HRH4: variants seen among roughly 807,000 people sequenced by gnomAD.
The protein encoded by HRH4 is histamine receptor H4, also known as histamine H4 receptor.
Under a neutral mutation model 10.4 loss-of-function variants are expected in HRH4, and 12 were observed. The observed-to-expected ratio is 1.15, with a 90% CI of 0.74 to 1.87. The LOEUF is 1.87. Among genes scored for constraint, HRH4 ranks in the 40% most tolerant of loss-of-function variants. HRH4 has a pLI of 0.00. For synonymous variants in HRH4, 154 were observed against 166.6 expected, an observed-to-expected ratio of 0.92 and a Z score of 0.58; for missense variants, 415 against 453.3, an observed-to-expected ratio of 0.92 and a Z score of 0.77.
intron 2 of HRH4, among the ~76,000 whole-genome samples, chr18:24,474,876 G>GTGGA (rs1452042016): frequency 6.6e-6 from 1 of 151,912 alleles, no homozygotes; most frequent in Non-Finnish European, 1.5e-5. Flanking sequence ...GGTGGAGATG[G>GTGGA]GGTTTCACCA....
intron 2 of HRH4, among the ~76,000 whole-genome samples, chr18:24,471,956 A>G (rs965569529): frequency 2.0e-5 from 3 of 152,228 alleles, no homozygotes; most frequent in Non-Finnish European, 4.4e-5. Flanking sequence ...CAGCTTACCC[A>G]GTTGGGAAAA....
At chr18:24,462,844 C>T (rs528224615) in intron 1 of HRH4, among the ~76,000 whole-genome samples, 2 of 152,326 alleles carry the variant, frequency 1.3e-5, no homozygotes, top group Non-Finnish European at 2.9e-5. Context: ...ACATCATTCT[C>T]TGTGCTCCCA....
At chr18:24,464,344 C>G (rs1268018315) in intron 1 of HRH4, among the ~76,000 whole-genome samples, 3 of 152,118 alleles carry the variant, frequency 2.0e-5, no homozygotes, top group African/African-American at 7.2e-5. Flanking sequence ...AGAGAGTGAG[C>G]TCTCTGTTGT....
At chr18:24,460,942 T>A in intron 1 of HRH4, 21 bp downstream of exon 1, 2 of 1,398,930 alleles carry the variant, frequency 1.4e-6, no homozygotes, top group Non-Finnish European at 2.0e-6. Flanking sequence ...TGTCTTTATT[T>A]AAGACAGTCT....
chr18:24,475,386 G>A (rs1295375202), intron 2 of HRH4, among the ~76,000 whole-genome samples: 1 of 152,188 alleles, frequency 6.6e-6, no homozygotes, highest in African/African-American at 2.4e-5. Flanking sequence ...CATTTTGAGA[G>A]GCTAAGACAG....
intron 1 of HRH4, among the ~76,000 whole-genome samples, chr18:24,464,163 T>C (rs1049123193): frequency 6.6e-6 from 1 of 152,182 alleles, no homozygotes; most frequent in African/African-American, 2.4e-5. Flanking sequence ...TACCCTAGAC[T>C]GGGTGGCTTA....
rs1308762388 is a variant in HRH4 at position 24,468,948 on chromosome 18, T to C, written c.354T>C (p.Asn118=). 8 of 1,598,204 alleles carry C rather than the reference T, an allele frequency of 5.0e-6. No individual in the cohort carries two copies. Among genetic ancestry groups the C allele is most frequent in the Middle Eastern group, 3.4e-4 (2 of 5,906 alleles). Residue 118 remains asparagine (N), a synonymous_variant, in exon 2 of 3, where the codon AAT becomes AAC. Coordinates refer to ENST00000256906, the MANE Select transcript of HRH4 (RefSeq NM_021624.4). ...ATGATCGATACCTGTCAGTCTCAAA[T>C]GCTGTAAGTCGAAACATTAATTTAT... ...ISYDRYLSVS[N]AVSYRTQHTG... is the part of the protein sequence containing the mutation.
chr18:24,473,940 C>T (rs565138434), intron 2 of HRH4, among the ~76,000 whole-genome samples: 24 of 147,336 alleles, frequency 1.6e-4, no homozygotes, highest in African/African-American at 5.8e-4. Flanking sequence ...TAGGCCGCTG[C>T]GGGATTTCAG....
chr18:24,462,912 AAT>A (rs1356680617), intron 1 of HRH4, among the ~76,000 whole-genome samples: 1 of 152,160 alleles, frequency 6.6e-6, no homozygotes, highest in African/African-American at 2.4e-5. Context: ...TTCCACTATA[AAT>A]ATATGTATCC....
At chr18:24,460,967 T>G (rs1425682185) in intron 1 of HRH4, 46 bp downstream of exon 1, 1 of 1,292,928 alleles carries the variant, frequency 7.7e-7, no homozygotes, top group Non-Finnish European at 1.1e-6. Flanking sequence ...CGATTTTAAT[T>G]TATTTCTAAA....
rs146071999 is a variant in HRH4, at chr18:24,464,476, G to A, written c.193+3555G>A. On this transcript the variant is annotated intron_variant, in intron 1 of 2. Coordinates refer to ENST00000256906, the MANE Select transcript of HRH4 (RefSeq NM_021624.4). ...ACATGGGGGGTTAGAGCTCCAACAT[G>A]TGAATTTGGGGAGGGCACATACACA... Among the ~76,000 whole-genome samples the A allele has an allele frequency of 8.2e-3, 1,246 of 152,240 alleles. 18 individuals carry two copies. Among genetic ancestry groups the A allele is most frequent in the African/African-American group, 0.027 (1,141 of 41,522 alleles).
At chr18:24,464,817 C>T (rs1355354836) in intron 1 of HRH4, among the ~76,000 whole-genome samples, 1 of 152,044 alleles carries the variant, frequency 6.6e-6, no homozygotes, top group Admixed American at 6.6e-5. Flanking sequence ...GCTTCTGTTT[C>T]TACTGGGAGC....
chr18:24,470,213 A>C (rs553271089), intron 2 of HRH4, among the ~76,000 whole-genome samples: 2 of 152,332 alleles, frequency 1.3e-5, no homozygotes, highest in African/African-American at 4.8e-5. Flanking sequence ...TTTTTCTCTT[A>C]CATAACAGTC....
At chr18:24,475,865 A>T (rs1910119290) in intron 2 of HRH4, among the ~76,000 whole-genome samples, 1 of 151,722 alleles carries the variant, frequency 6.6e-6, no homozygotes, top group Non-Finnish European at 1.5e-5. Flanking sequence ...AAAATTAGCC[A>T]GGTGTGGTGG....
At chr18:24,469,997 C>T (rs143056605) in intron 2 of HRH4, among the ~76,000 whole-genome samples, 6 of 152,160 alleles carry the variant, frequency 3.9e-5, no homozygotes, top group African/African-American at 1.4e-4. Context: ...TAGTCATCTA[C>T]GTGGAGGCAG....
rs376257833 is a variant in HRH4 at position 24,462,944 on chromosome 18, C to T, written c.193+2023C>T. Among the ~76,000 whole-genome samples the T allele has an allele frequency of 2.2e-4, 33 of 152,288 alleles. 1 individual carries two copies. In the South Asian group the frequency reaches 6.8e-3, roughly 32 times the overall value. On this transcript the variant is annotated intron_variant, in intron 1 of 2. Transcript: ENST00000256906. ...GTATCCTTTGCTTCTTCCTTCTTCA[C>T]AGGATCTTGTGACTTTTAGATGACA... is the stretch of plus-strand genomic sequence containing the variant.
In HRH4 at chr18:24,477,128, T is replaced by G; in HGVS notation, c.739T>G (p.Ser247Ala). The G allele has an allele frequency of 6.2e-7, 1 of 1,614,244 alleles. No individual in the cohort carries two copies. Among genetic ancestry groups the G allele is most frequent in the Non-Finnish European group, 8.5e-7 (1 of 1,180,044 alleles). The change falls in exon 3 of 3, where the codon TCC becomes GCC. Residue 247 changes from serine to alanine, a missense_variant. Ser to Ala is a moderately conservative substitution (Grantham distance 99). Transcript: ENST00000256906. ...TTCTGCATCGACAGAAGTTCCTGCATCCTTTCATTCAGAGAGACAGAGGAG... is the reference window on the plus strand; with the variant it reads ...TTCTGCATCGACAGAAGTTCCTGCAGCCTTTCATTCAGAGAGACAGAGGAG... The part of the protein sequence containing the change: ...SLSASTEVPA[S>A]FHSERQRRKS...
intron 1 of HRH4, among the ~76,000 whole-genome samples, chr18:24,464,908 GA>G (rs1326688112): frequency 3.3e-5 from 5 of 152,070 alleles, no homozygotes; most frequent in African/African-American, 2.4e-5. Flanking sequence ...AATTGCTACT[GA>G]AAAAAATGCA....
chr18:24,469,825 T>C (rs1909886202), intron 2 of HRH4, among the ~76,000 whole-genome samples: 1 of 152,152 alleles, frequency 6.6e-6, no homozygotes, highest in Non-Finnish European at 1.5e-5. Context: ...AAGCTGCGTG[T>C]CGCGGGGGTT....
Sources: gnomAD v4.1 joint callset for allele counts (sites outside exome capture counted in the v4.1 genomes callset) on GRCh38, gnomAD v4.1.1 for gene constraint, MANE v1.5 for transcripts, NCBI Gene and HGNC (gene_info 2026-07-23, HGNC 2026-07-21) for gene names.